Variants in SACS observed in about 807,000 individuals in gnomAD.
SACS encodes sacsin molecular chaperone.
SACS carries 197 observed loss-of-function variants against 348.0 expected under a neutral mutation model. The ratio of observed to expected loss-of-function variants is 0.57; its 90% CI spans 0.50 to 0.64. The LOEUF is 0.64. Among genes scored for constraint, SACS ranks in the 30% least tolerant of loss-of-function variants. SACS has a pLI of 0.00. For synonymous variants in SACS, 1,985 were observed against 1,910.6 expected (o/e 1.04, Z -1.02); for missense variants, 4,999 against 5,360.8 (o/e 0.93, Z 2.11).
At position 23,339,219 on chromosome 13, in the gene SACS, C is replaced by T; in HGVS notation, c.4657G>A (p.Val1553Ile). Reference protein sequence around the residue: ...ESLKRGEVDKVGKFGLGFNSV... With the variant: ...ESLKRGEVDKIGKFGLGFNSV... ...TTAAATCCAAGACCAAATTTTCCAACTTTGTCAACTTCTCCCCTTTTTAAA... is the reference window on the plus strand; with the variant it reads ...TTAAATCCAAGACCAAATTTTCCAATTTTGTCAACTTCTCCCCTTTTTAAA... The change falls in exon 10 of 10, where the codon GTT (valine) becomes ATT (isoleucine). Residue 1553 changes from valine (V) to isoleucine (I), a missense_variant. Val to Ile is a conservative substitution (Grantham distance 29). Coordinates refer to ENST00000382292, the MANE Select transcript of SACS (RefSeq NM_014363.6). 1.9e-6 allele frequency: 3 copies of T among 1,610,844 alleles called. No individual in the cohort carries two copies. Among genetic ancestry groups the T allele is most frequent in the South Asian group, 2.2e-5 (2 of 90,146 alleles).
chr13:23,353,911 T>G lies in SACS; in HGVS notation c.2094-35A>C. ...GAAAGGAACAGCAATCATCATAATC[T>G]TCCCACAATTCCAAGATTTTAAAAA... is the stretch of plus-strand genomic sequence containing the variant. On this transcript the variant is annotated intron_variant, in intron 8 of 9. Transcript: ENST00000382292. The G allele has an allele frequency of 1.8e-6, 2 of 1,126,898 alleles. 1 individual carries two copies. The highest frequency in any genetic ancestry group is 2.5e-5 in the South Asian group (2 of 80,556). 69.8% of individuals were successfully genotyped at this position (1,126,898 alleles called of 1,614,324 possible).
intron 9 of SACS, among the ~76,000 whole-genome samples, chr13:23,352,974 C>G (rs905435223): frequency 2.6e-5 from 4 of 152,144 alleles, no homozygotes; most frequent in African/African-American, 9.7e-5. Context: ...GAAAAAAGTA[C>G]ATTCCATAAA....
intron 7 of SACS, among the ~76,000 whole-genome samples, chr13:23,358,092 C>T (rs1313222019): frequency 1.3e-5 from 2 of 152,174 alleles, no homozygotes; most frequent in Non-Finnish European, 2.9e-5. Flanking sequence ...ACTGATTCCA[C>T]TGGATCATGA....
chr13:23,347,702 G>A (rs1869696205), intron 9 of SACS, among the ~76,000 whole-genome samples: 1 of 152,154 alleles, frequency 6.6e-6, no homozygotes, highest in African/African-American at 2.4e-5. Context: ...ACAGGTACCA[G>A]TGTGTGAGTG....
In SACS at chr13:23,330,330, G is replaced by C; in HGVS notation, c.13546C>G (p.Leu4516Val). The C allele has an allele frequency of 6.2e-7, 1 of 1,614,148 alleles. No homozygotes were observed. The highest frequency in any genetic ancestry group is 8.5e-7 in the Non-Finnish European group (1 of 1,180,000). Residue 4516 changes from leucine (L) to valine (V), a missense_variant, in exon 10 of 10, where the codon CTT becomes GTT. This residue lies in a region of SACS where 254 missense variants were observed against 275.1 expected (regional missense o/e 0.92). Transcript: ENST00000382292. ...AQKIEEYSQQ[L>V]EGLTNDVHTL... ...TGAACATCATTTGTCAGTCCTTCAA[G>C]TTGCTGACTATATTCCTCTATTTTC...
At chr13:23,347,770 G>A (rs184587912) in intron 9 of SACS, among the ~76,000 whole-genome samples, 3 of 152,204 alleles carry the variant, frequency 2.0e-5, no homozygotes, top group Non-Finnish European at 1.5e-5. Flanking sequence ...AGCAGAGGTA[G>A]TGAATGGAGG....
intron 7 of SACS, among the ~76,000 whole-genome samples, chr13:23,356,839 C>T (rs1218965392): frequency 2.0e-5 from 3 of 152,192 alleles, no homozygotes; most frequent in East Asian, 1.9e-4. Context: ...TACCTACGGT[C>T]GTCAAGCACA....
chr13:23,432,967 G>T (rs1874495097), intron 1 of SACS, among the ~76,000 whole-genome samples: 1 of 152,116 alleles, frequency 6.6e-6, no homozygotes, highest in Non-Finnish European at 1.5e-5. Context: ...GCGAGAGAGA[G>T]GTTTTGTTGC....
chr13:23,411,747 G>GA lies in SACS; in HGVS notation c.-501-8dup, dbSNP rs1873489088. On this transcript the variant is annotated splice_region_variant and splice_polypyrimidine_tract_variant and intron_variant, in intron 1 of 9. Transcript: ENST00000382292. ...TGGCCTCACTTCTGTGATCCTGGAA[G>GA]AAAAATCAAGGAAGGGTAAAGAAAG... is the stretch of plus-strand genomic sequence containing the variant. The GA allele has an allele frequency of 6.3e-6, 1 of 159,746 alleles. No homozygotes were observed. The highest frequency in any genetic ancestry group is 1.9e-4 in the South Asian group (1 of 5,180). The allele number at this position is 159,746 out of a possible 1,614,324, so 9.9% of individuals were successfully genotyped here. A position where few individuals can be genotyped will look rare whatever the true frequency, so the allele number is the denominator to read the frequency against.
intron 9 of SACS, among the ~76,000 whole-genome samples, chr13:23,343,456 G>A (rs1382345455): frequency 6.6e-6 from 1 of 152,192 alleles, no homozygotes; most frequent in African/African-American, 2.4e-5. Context: ...GGGCGCCAAA[G>A]CGGGTGGAAC....
chr13:23,358,215 A>C, intron 7 of SACS, 120 bp downstream of exon 7: 1 of 1,027,010 alleles, frequency 9.7e-7, no homozygotes, highest in Non-Finnish European at 1.5e-6. Context: ...CCTGCTACTG[A>C]CAGAAGAATT....
rs1869142388 is a variant in SACS, at chr13:23,340,879, A to G, written c.2997T>C (p.Ile999=). The change falls in exon 10 of 10, where the codon ATT becomes ATC. Residue 999 remains isoleucine, a synonymous_variant. Coordinates refer to ENST00000382292, the MANE Select transcript of SACS (RefSeq NM_014363.6). The stretch of plus-strand genomic sequence containing the variant: ...CTTCATGTGAATAAAATGCATTTTC[A>G]ATATCTTTTAAAACAAGCTTTAAGC... ...TSCLKLVLKD[I]ENAFYSHEEV... 6.2e-7 allele frequency: 1 copy of G among 1,609,894 alleles called. No homozygotes were observed. The highest frequency in any genetic ancestry group is 1.3e-5 in the African/African-American group (1 of 74,824).
In SACS at chr13:23,354,919, T is replaced by C. The variant is rs772240153; in HGVS notation, c.1693A>G (p.Ile565Val). 36 of 1,614,108 alleles carry C rather than the reference T, an allele frequency of 2.2e-5. No individual in the cohort carries two copies. The highest frequency in any genetic ancestry group is 4.0e-5 in the African/African-American group (3 of 74,934). The change falls in exon 8 of 10, where the codon ATT becomes GTT. Residue 565 changes from isoleucine to valine, a missense_variant. Around this residue, in one of 6 missense-constraint regions of SACS, gnomAD observed 3,156 missense variants for 3,380.1 expected, o/e 0.93. Coordinates refer to ENST00000382292, the MANE Select transcript of SACS (RefSeq NM_014363.6). The stretch of plus-strand genomic sequence containing the variant: ...TCCAACCTGACCCAGTCACAGCTAA[T>C]TGAATAAATCACTGCATTCTGCAAC... ...ELLQNAVIYS[I>V]SCDWVRLEQV...
chr13:23,393,877 C>T (rs1343559573), intron 2 of SACS, among the ~76,000 whole-genome samples: 1 of 152,178 alleles, frequency 6.6e-6, no homozygotes, highest in Admixed American at 6.5e-5. Context: ...TCTCCTGCCT[C>T]AGCCTCCCGA....
intron 1 of SACS, among the ~76,000 whole-genome samples, chr13:23,422,395 A>C (rs1378050739): frequency 6.6e-6 from 1 of 152,234 alleles, no homozygotes; most frequent in Non-Finnish European, 1.5e-5. Context: ...ATGACATTTC[A>C]GAGGCTGTTA....
intron 2 of SACS, among the ~76,000 whole-genome samples, chr13:23,397,836 C>T (rs1008964255): frequency 4.6e-5 from 7 of 152,128 alleles, no homozygotes; most frequent in Non-Finnish European, 1.0e-4. Context: ...AACATATGCC[C>T]AGGGTGGTTG....
chr13:23,426,507 G>T (rs1006866582), intron 1 of SACS, among the ~76,000 whole-genome samples: 2 of 152,138 alleles, frequency 1.3e-5, no homozygotes, highest in Non-Finnish European at 2.9e-5. Flanking sequence ...CGGCATGATG[G>T]TGGGTGCCTG....
rs1357944598 is a variant in SACS at position 23,335,621 on chromosome 13, A to G, written c.8255T>C (p.Ile2752Thr). The G allele has an allele frequency of 1.2e-6, 2 of 1,613,904 alleles. No homozygotes were observed. The highest frequency in any genetic ancestry group is 1.7e-6 in the Non-Finnish European group (2 of 1,179,888). Reference protein sequence around the residue: ...NHMEKISICEIDKSTGALNVL... With the variant: ...NHMEKISICETDKSTGALNVL... ...ATTTAGAGCTCCAGTACTCTTATCT[A>G]TTTCACAAATAGAAATTTTTTCCAT... The change falls in exon 10 of 10, where the codon ATA becomes ACA. Residue 2752 changes from isoleucine (I) to threonine (T), a missense_variant. Physicochemically the swap from Ile to Thr is moderately conservative, Grantham distance 89. Coordinates refer to ENST00000382292, the MANE Select transcript of SACS (RefSeq NM_014363.6). This position sits in a 1 kb window ranked among gnomAD's most constrained non-coding sequence, Gnocchi z 4.7.
rs1387496807 is a variant in SACS, at chr13:23,362,622, G to C, written c.457+2544C>G. Among the ~76,000 whole-genome samples, 4 of 115,424 alleles carry C rather than the reference G, an allele frequency of 3.5e-5. 1 individual carries two copies. The East Asian group carries it at 1.0e-3, about 29-fold the overall frequency. The allele number at this position is 115,424 out of a possible 152,430, so 75.7% of individuals were successfully genotyped here. A position where few individuals can be genotyped will look rare whatever the true frequency, so the allele number is the denominator to read the frequency against. On this transcript the variant is annotated intron_variant, in intron 6 of 9. Transcript: ENST00000382292. Reference sequence around the variant, plus strand: ...TTTTTTTGAGATGGAGTCTCACTCTGTCACCCAGGCTGGAGTGCAGTGGCA... The same window carrying C: ...TTTTTTTGAGATGGAGTCTCACTCTCTCACCCAGGCTGGAGTGCAGTGGCA...
Sources: gnomAD v4.1 joint callset for allele counts (sites outside exome capture counted in the v4.1 genomes callset) on GRCh38, gnomAD v4.1.1 for gene constraint, gnomAD v4.1.1 regional missense constraint, Gnocchi (gnomAD v3.1) non-coding constraint, MANE v1.5 for transcripts, NCBI Gene and HGNC (gene_info 2026-07-23, HGNC 2026-07-21) for gene names.